Variants in SMAD3 observed in about 807,000 individuals in gnomAD.
SMAD3 encodes MAD homolog 3.
In SMAD3, 12 loss-of-function variants were observed where a neutral mutation model predicts 51.8. That is an observed-to-expected ratio of 0.23 (90% CI 0.15 to 0.38). The LOEUF (loss-of-function observed/expected upper bound fraction) is 0.38. SMAD3 is among the 10% of genes least tolerant of loss of function. SMAD3 has a pLI of 1.00. For missense variants in SMAD3, 294 were observed against 565.6 expected, an observed-to-expected ratio of 0.52 and a Z score of 4.87; for synonymous variants, 238 against 227.7, an observed-to-expected ratio of 1.05 and a Z score of -0.41.
At chr15:67,074,757 T>G (rs1361714571) in intron 1 of SMAD3, among the ~76,000 whole-genome samples, 3 of 152,216 alleles carry the variant, frequency 2.0e-5, no homozygotes, top group Non-Finnish European at 4.4e-5. Context: ...TGGCGTGATC[T>G]CAGCTCACTG....
At chr15:67,106,179 C>T (rs780894430) in intron 1 of SMAD3, among the ~76,000 whole-genome samples, 24 of 152,174 alleles carry the variant, frequency 1.6e-4, no homozygotes, top group Non-Finnish European at 3.1e-4. Context: ...TGGGCCCATT[C>T]TCCACCGGCA....
At chr15:67,084,139 G>A (rs1290618382) in intron 1 of SMAD3, among the ~76,000 whole-genome samples, 1 of 132,534 alleles carries the variant, frequency 7.5e-6, no homozygotes, top group Non-Finnish European at 1.5e-5. Flanking sequence ...GCAGTGATGC[G>A]ATCTCGGCTC....
At chr15:67,068,543 G>C (rs1161052315) in intron 1 of SMAD3, among the ~76,000 whole-genome samples, 1 of 152,226 alleles carries the variant, frequency 6.6e-6, no homozygotes, top group Non-Finnish European at 1.5e-5. Flanking sequence ...ATGATTCTGA[G>C]AGTTCAAGCC....
intron 1 of SMAD3, among the ~76,000 whole-genome samples, chr15:67,087,920 C>G (rs1960429118): frequency 6.6e-6 from 1 of 152,152 alleles, no homozygotes; most frequent in Admixed American, 6.6e-5. Flanking sequence ...TGCTGTGATG[C>G]CAGCCCTGCC....
chr15:67,125,324 T>G (rs1017823687), intron 1 of SMAD3, among the ~76,000 whole-genome samples: 16 of 152,258 alleles, frequency 1.1e-4, no homozygotes, highest in African/African-American at 3.9e-4. Context: ...GGAGAGCCTC[T>G]TTGAAGCGCT....
At chr15:67,142,778 A>G in intron 1 of SMAD3, 1 of 429,408 alleles carries the variant, frequency 2.3e-6, no homozygotes, top group Non-Finnish European at 4.7e-6. Context: ...TCAAGGAGAA[A>G]AGAGCTTGTG....
chr15:67,115,961 G>GACTT (rs1961126099), intron 1 of SMAD3, among the ~76,000 whole-genome samples: 2 of 141,092 alleles, frequency 1.4e-5, no homozygotes, highest in Admixed American at 6.9e-5. Flanking sequence ...CTCATCTCTG[G>GACTT]ACTTCTGTAG....
chr15:67,180,925 C>T (rs777043684), intron 5 of SMAD3, among the ~76,000 whole-genome samples: 54 of 152,026 alleles, frequency 3.6e-4, no homozygotes, highest in Non-Finnish European at 6.3e-4. Flanking sequence ...CTTGAAGACT[C>T]CTTCCATCCA....
chr15:67,118,744 AGCTGTCTTTCAAGACACAACCCAAAT>A (rs1961191769), intron 1 of SMAD3, among the ~76,000 whole-genome samples: 1 of 152,158 alleles, frequency 6.6e-6, no homozygotes, highest in African/African-American at 2.4e-5. Flanking sequence ...CTGGTTTCTG[AGCTGTCTTTCAAGACACAACCCAAAT>A]GCTGTCTTTG....
chr15:67,149,226 T>C (rs1169432398), intron 1 of SMAD3, among the ~76,000 whole-genome samples: 3 of 152,198 alleles, frequency 2.0e-5, no homozygotes, highest in African/African-American at 7.2e-5. Context: ...ATTCAGATAC[T>C]GTGGCTGCAA....
Position 67,184,907 on chromosome 15 carries a change from C to T in SMAD3, c.1009+43C>T, listed in dbSNP as rs762313436. On this transcript the variant is annotated intron_variant, in intron 7 of 8. Coordinates refer to ENST00000327367, the MANE Select transcript of SMAD3 (RefSeq NM_005902.4). ...GCACCCCTGCCTTGAGGTCCCTCTCCGAGTGCATGCCTAGGATGCTGGAGA... is the reference window on the plus strand; with the variant it reads ...GCACCCCTGCCTTGAGGTCCCTCTCTGAGTGCATGCCTAGGATGCTGGAGA... The T allele has an allele frequency of 5.0e-6, 8 of 1,610,908 alleles. No homozygotes were observed. In the Admixed American group the frequency reaches 5.0e-5, roughly 10 times the overall value.
intron 1 of SMAD3, among the ~76,000 whole-genome samples, chr15:67,084,070 C>CTTTTTTTTTTTTT (rs56675753): frequency 5.2e-4 from 44 of 85,074 alleles, no homozygotes; most frequent in South Asian, 1.7e-3. Context: ...CTTTTTTTTT[C>CTTTTTTTTTTTTT]TTTTTTTTTT....
At chr15:67,182,986 TA>T (rs35277759) in intron 6 of SMAD3, among the ~76,000 whole-genome samples, 1,708 of 47,932 alleles carry the variant, frequency 0.036, 59 homozygotes, top group Non-Finnish European at 0.042. Context: ...TATATTTTAT[TA>T]AAAAAAAAAA....
intron 1 of SMAD3, among the ~76,000 whole-genome samples, chr15:67,097,205 TTTTG>T (rs565093866): frequency 1.3e-5 from 2 of 152,064 alleles, no homozygotes; most frequent in African/African-American, 2.4e-5. Flanking sequence ...TTGTGGTTTT[TTTTG>T]TTTGTTTGTT....
intron 1 of SMAD3, among the ~76,000 whole-genome samples, chr15:67,096,823 A>G (rs7181878): frequency 0.5 from 76,369 of 151,976 alleles, 19,616 homozygotes; most frequent in South Asian, 0.7. Flanking sequence ...GCTAAGAAGC[A>G]TCATATAGGC....
At chr15:67,149,375 G>A (rs1403605785) in intron 1 of SMAD3, among the ~76,000 whole-genome samples, 2 of 152,172 alleles carry the variant, frequency 1.3e-5, no homozygotes, top group Non-Finnish European at 2.9e-5. Context: ...GGCTGATACC[G>A]GGGAGAGTTG....
intron 1 of SMAD3, among the ~76,000 whole-genome samples, chr15:67,068,963 CT>C (rs1959988468): frequency 1.3e-5 from 2 of 152,262 alleles, no homozygotes; most frequent in Non-Finnish European, 2.9e-5. Flanking sequence ...GTCATTCCCC[CT>C]GTGTGTGGGG....
At chr15:67,067,306 TG>T (rs1173280615) in intron 1 of SMAD3, among the ~76,000 whole-genome samples, 1 of 152,156 alleles carries the variant, frequency 6.6e-6, no homozygotes, top group East Asian at 1.9e-4. Context: ...CACAGATGGC[TG>T]ATAGAAGGGG....
At chr15:67,074,538 T>A (rs1456990529) in intron 1 of SMAD3, among the ~76,000 whole-genome samples, 1 of 152,250 alleles carries the variant, frequency 6.6e-6, no homozygotes, top group Non-Finnish European at 1.5e-5. Flanking sequence ...AACTAGGAAA[T>A]GAAAAGTGAG....
Sources: allele counts gnomAD v4.1 joint callset (sites outside exome capture counted in the v4.1 genomes callset), GRCh38; gene constraint gnomAD v4.1.1; transcripts MANE v1.5; gene names NCBI Gene and HGNC (gene_info 2026-07-23, HGNC 2026-07-21).